ZNF385D: variants seen among roughly 807,000 people sequenced by gnomAD.
The protein encoded by ZNF385D is zinc finger protein 659.
ZNF385D carries 15 observed loss-of-function variants against 35.8 expected under a neutral mutation model. The observed-to-expected ratio is 0.42, with a 90% CI of 0.28 to 0.64. The LOEUF (loss-of-function observed/expected upper bound fraction) is 0.64, where lower values mean the gene tolerates loss of function less well. Ranked by LOEUF, ZNF385D falls within the 30% of genes least tolerant of loss-of-function variation. The pLI, the probability that ZNF385D is intolerant of heterozygous loss-of-function variation, is 0.23. For missense variants in ZNF385D, 474 were observed against 494.6 expected (o/e 0.96, Z 0.39); for synonymous variants, 212 against 186.8 (o/e 1.13, Z -1.10).
chr3:21,606,186 C>G (rs2064476726), intron 2 of ZNF385D, among the ~76,000 whole-genome samples: 1 of 152,142 alleles, frequency 6.6e-6, no homozygotes, highest in African/African-American at 2.4e-5. Flanking sequence ...AGATGATACT[C>G]AAATCATGCA....
intron 3 of ZNF385D, among the ~76,000 whole-genome samples, chr3:22,079,915 T>C (rs1276788557): frequency 6.6e-6 from 1 of 151,946 alleles, no homozygotes; most frequent in African/African-American, 2.4e-5. Flanking sequence ...TATGTATGTA[T>C]ATGTGTGTAC....
At chr3:21,757,451 T>C (rs1391566210) in intron 3 of ZNF385D, among the ~76,000 whole-genome samples, 1 of 152,110 alleles carries the variant, frequency 6.6e-6, no homozygotes, top group Non-Finnish European at 1.5e-5. Flanking sequence ...CCTAAATTTA[T>C]TATATATGTG....
At chr3:21,718,279 C>T (rs942401489) in intron 1 of ZNF385D, among the ~76,000 whole-genome samples, 3 of 152,206 alleles carry the variant, frequency 2.0e-5, no homozygotes, top group Admixed American at 1.3e-4. Context: ...TACTCAGACT[C>T]CACTCTGCAA....
At chr3:22,095,896 A>C (rs1179567282) in intron 3 of ZNF385D, among the ~76,000 whole-genome samples, 1 of 151,858 alleles carries the variant, frequency 6.6e-6, no homozygotes, top group Non-Finnish European at 1.5e-5. Flanking sequence ...TGTATCATGG[A>C]GGTGATATTC....
chr3:21,491,020 T>A (rs1322594437), intron 4 of ZNF385D, among the ~76,000 whole-genome samples: 3 of 105,182 alleles, frequency 2.9e-5, no homozygotes, highest in Non-Finnish European at 5.6e-5. Flanking sequence ...ATAAAAATCA[T>A]CAGCTGGTGA....
chr3:22,308,886 C>T (rs926629188), intron 2 of ZNF385D, among the ~76,000 whole-genome samples: 2 of 152,020 alleles, frequency 1.3e-5, no homozygotes, highest in Non-Finnish European at 2.9e-5. Flanking sequence ...AGCCAAAATC[C>T]TTCTGCAGAT....
chr3:21,858,285 G>A (rs1209413191), intron 3 of ZNF385D, among the ~76,000 whole-genome samples: 1 of 151,972 alleles, frequency 6.6e-6, no homozygotes, highest in Non-Finnish European at 1.5e-5. Context: ...AAGGTAGGGA[G>A]GTAGCTTCAA....
At chr3:22,216,021 C>A (rs892698203) in intron 2 of ZNF385D, among the ~76,000 whole-genome samples, 12 of 152,012 alleles carry the variant, frequency 7.9e-5, no homozygotes, top group Non-Finnish European at 1.6e-4. Context: ...CAGTTCTGCT[C>A]CTATGACTTT....
At chr3:21,721,371 T>C (rs2068533508) in intron 1 of ZNF385D, among the ~76,000 whole-genome samples, 1 of 151,756 alleles carries the variant, frequency 6.6e-6, no homozygotes, top group Non-Finnish European at 1.5e-5. Flanking sequence ...ACAGGCTCTG[T>C]CTCTCGGTGG....
intron 3 of ZNF385D, among the ~76,000 whole-genome samples, chr3:22,120,321 A>G (rs1344093856): frequency 2.1e-5 from 3 of 144,070 alleles, no homozygotes; most frequent in Non-Finnish European, 4.6e-5. Flanking sequence ...CAGCTTGCAG[A>G]TGACACCTTC....
chr3:22,353,491 T>C (rs563633916), intron 2 of ZNF385D, among the ~76,000 whole-genome samples: 1 of 152,304 alleles, frequency 6.6e-6, no homozygotes, highest in South Asian at 2.1e-4. Context: ...GAATTCACGA[T>C]GTCCTGATAT....
At chr3:21,918,205 A>ATCT (rs34754593) in intron 3 of ZNF385D, among the ~76,000 whole-genome samples, 81,072 of 151,756 alleles carry the variant, frequency 0.53, 23,689 homozygotes, top group South Asian at 0.66. Flanking sequence ...AAAAATGAAA[A>ATCT]TCTGCGTGCT....
At chr3:22,200,089 A>C (rs1243746496) in intron 2 of ZNF385D, among the ~76,000 whole-genome samples, 1 of 152,138 alleles carries the variant, frequency 6.6e-6, no homozygotes, top group Non-Finnish European at 1.5e-5. Context: ...CAAAGACAGA[A>C]TAGGAACATC....
intron 2 of ZNF385D, among the ~76,000 whole-genome samples, chr3:22,301,830 T>C (rs1369659245): frequency 6.6e-6 from 1 of 152,132 alleles, no homozygotes; most frequent in African/African-American, 2.4e-5. Flanking sequence ...ACTATTGTCC[T>C]GTTGATTTTT....
chr3:22,361,616 G>C (rs548158199), intron 2 of ZNF385D, among the ~76,000 whole-genome samples: 320 of 152,090 alleles, frequency 2.1e-3, no homozygotes, highest in Non-Finnish European at 4.1e-3. Flanking sequence ...TTCCATTCAT[G>C]TACTATCATT....
At chr3:22,280,900 A>G (rs1463263792) in intron 2 of ZNF385D, among the ~76,000 whole-genome samples, 2 of 151,754 alleles carry the variant, frequency 1.3e-5, no homozygotes, top group African/African-American at 4.8e-5. Flanking sequence ...GTTTTCTATG[A>G]TTTCTTTCAG....
intron 3 of ZNF385D, among the ~76,000 whole-genome samples, chr3:21,926,688 A>G (rs1700746416): frequency 6.6e-6 from 1 of 152,216 alleles, no homozygotes; most frequent in Admixed American, 6.5e-5. Context: ...ACCTAAAACC[A>G]TAAAAACCTC....
chr3:21,823,440 C>G (rs1200193254), intron 3 of ZNF385D, among the ~76,000 whole-genome samples: 1 of 151,790 alleles, frequency 6.6e-6, no homozygotes, highest in Non-Finnish European at 1.5e-5. Context: ...CCCCCAAACA[C>G]ACACACACAC....
chr3:22,310,413 A>G (rs1703475470), intron 2 of ZNF385D, among the ~76,000 whole-genome samples: 1 of 151,960 alleles, frequency 6.6e-6, no homozygotes, highest in Non-Finnish European at 1.5e-5. Flanking sequence ...TGATAACATA[A>G]TTTAATGCTT....
Sources: gnomAD v4.1 joint callset for allele counts (sites outside exome capture counted in the v4.1 genomes callset) on GRCh38, gnomAD v4.1.1 for gene constraint, MANE v1.5 for transcripts, NCBI Gene and HGNC (gene_info 2026-07-23, HGNC 2026-07-21) for gene names.